MAP3K5: variants seen among roughly 807,000 people sequenced by gnomAD.
The protein encoded by MAP3K5 is ASK-1.
A neutral mutation model predicts 158.7 loss-of-function variants in MAP3K5; 56 were observed. The ratio of observed to expected loss-of-function variants is 0.35; its 90% confidence interval spans 0.28 to 0.44. MAP3K5 has a LOEUF of 0.44. Among genes scored for constraint, MAP3K5 ranks in the 20% least tolerant of loss-of-function variants. MAP3K5 has a pLI of 1.00. For synonymous variants in MAP3K5, 579 were observed against 601.7 expected (o/e 0.96, Z 0.55); for missense variants, 1,294 against 1,674.8 (o/e 0.77, Z 3.97).
chr6:136,632,842 T>C (rs1384242019), intron 14 of MAP3K5, among the ~76,000 whole-genome samples: 1 of 152,146 alleles, frequency 6.6e-6, no homozygotes, highest in African/African-American at 2.4e-5. Context: ...GATCAATTGT[T>C]TGATGATTTC....
chr6:136,660,551 T>G (rs1037517039), intron 8 of MAP3K5, among the ~76,000 whole-genome samples: 1 of 152,220 alleles, frequency 6.6e-6, no homozygotes, highest in African/African-American at 2.4e-5. Flanking sequence ...CACTTCTATG[T>G]TCTTAATGTT....
At chr6:136,586,351 A>G (rs1775141325) in intron 23 of MAP3K5, among the ~76,000 whole-genome samples, 1 of 152,216 alleles carries the variant, frequency 6.6e-6, no homozygotes, top group African/African-American at 2.4e-5. Flanking sequence ...TTTTTTCGAC[A>G]TTAACTTTGT....
Position 136,651,030 on chromosome 6 carries a change from A to G in MAP3K5, c.1742T>C (p.Val581Ala), listed in dbSNP as rs766734935. The change falls in exon 11 of 30, where the codon GTT becomes GCT. Residue 581 changes from valine to alanine, a missense_variant. Val to Ala is a moderately conservative substitution (Grantham distance 64, BLOSUM62 0). This residue lies in a region of MAP3K5 where 690 missense variants were observed against 870.5 expected (regional missense o/e 0.79). Transcript: ENST00000359015. ...CCAAATAGAGATTGTCTTTTCCTCA[A>G]CTTCATTGTTGATAGACAAATAAGA... ...QPSYLSINNE[V>A]EEKTISIWHV... 6.8e-6 allele frequency: 11 copies of G among 1,611,988 alleles called. No homozygotes were observed. Among genetic ancestry groups the G allele is most frequent in the Non-Finnish European group, 9.3e-6 (11 of 1,178,816 alleles).
At chr6:136,734,409 G>C (rs1467131245) in intron 1 of MAP3K5, among the ~76,000 whole-genome samples, 5 of 108,278 alleles carry the variant, frequency 4.6e-5, no homozygotes, top group African/African-American at 3.7e-5. Context: ...AACAAAGCGA[G>C]ACTCTGTCTC....
chr6:136,612,134 C>T (rs1482000462), intron 17 of MAP3K5, among the ~76,000 whole-genome samples: 5 of 152,156 alleles, frequency 3.3e-5, no homozygotes, highest in African/African-American at 1.2e-4. Context: ...GCTCACCAAA[C>T]TATCTTTGAA....
chr6:136,675,132 C>T (rs1457883045), intron 7 of MAP3K5, among the ~76,000 whole-genome samples: 3 of 151,514 alleles, frequency 2.0e-5, no homozygotes, highest in Non-Finnish European at 4.4e-5. Context: ...GAGGTAAATT[C>T]AATAGGAAAA....
intron 8 of MAP3K5, among the ~76,000 whole-genome samples, chr6:136,665,704 A>G (rs987592621): frequency 6.6e-6 from 1 of 152,188 alleles, no homozygotes; most frequent in East Asian, 1.9e-4. Flanking sequence ...AGAGGAAGGA[A>G]AAGTACTTAC....
intron 1 of MAP3K5, among the ~76,000 whole-genome samples, chr6:136,749,405 C>T (rs1050206700): frequency 1.6e-4 from 24 of 151,696 alleles, no homozygotes; most frequent in African/African-American, 5.3e-4. Context: ...TATGAGGGCT[C>T]CATTAGGGTG....
chr6:136,770,913 A>T (rs1784173188), intron 1 of MAP3K5, among the ~76,000 whole-genome samples: 1 of 152,246 alleles, frequency 6.6e-6, no homozygotes, highest in African/African-American at 2.4e-5. Flanking sequence ...AATATAATAA[A>T]TTTTTAAAAA....
intron 2 of MAP3K5, among the ~76,000 whole-genome samples, chr6:136,715,055 C>A (rs377085144): frequency 1.2e-4 from 18 of 152,254 alleles, no homozygotes; most frequent in African/African-American, 4.3e-4. Context: ...GATAAAAATA[C>A]AACTAAATTT....
At position 136,614,283 on chromosome 6, in the gene MAP3K5, G is replaced by A; in HGVS notation, c.2154C>T (p.Tyr718=). The A allele has an allele frequency of 2.5e-6, 4 of 1,612,068 alleles. No homozygotes were observed. Among genetic ancestry groups the A allele is most frequent in the Non-Finnish European group, 3.4e-6 (4 of 1,179,076 alleles). ...CTATTTCTTCATGCAGGGGCTGAGAGTATCTAAAAGACATGCAATTGTCAA... is the reference window on the plus strand; with the variant it reads ...CTATTTCTTCATGCAGGGGCTGAGAATATCTAAAAGACATGCAATTGTCAA... ...IKEIPERDSR[Y]SQPLHEEIAL... Residue 718 remains tyrosine (Y), a synonymous_variant, in exon 16 of 30, where the codon TAC becomes TAT. Transcript: ENST00000359015.
intron 1 of MAP3K5, among the ~76,000 whole-genome samples, chr6:136,762,836 T>C (rs527977732): frequency 1.8e-4 from 28 of 152,306 alleles, no homozygotes; most frequent in African/African-American, 6.5e-4. Context: ...TCTAGCACCA[T>C]TGCTACCCTT....
intron 2 of MAP3K5, among the ~76,000 whole-genome samples, chr6:136,707,080 T>C (rs1046863640): frequency 2.6e-5 from 4 of 152,026 alleles, no homozygotes; most frequent in Non-Finnish European, 4.4e-5. Context: ...ACTTGAGCCT[T>C]GAAGATCGAG....
chr6:136,726,551 T>C (rs1003722901), intron 1 of MAP3K5, among the ~76,000 whole-genome samples: 2 of 151,932 alleles, frequency 1.3e-5, no homozygotes, highest in African/African-American at 2.4e-5. Flanking sequence ...CAAGATCACA[T>C]GACTGCACTC....
chr6:136,655,894 GGGGAT>G (rs1778723374), intron 10 of MAP3K5, among the ~76,000 whole-genome samples: 1 of 152,144 alleles, frequency 6.6e-6, no homozygotes, highest in Non-Finnish European at 1.5e-5. Flanking sequence ...AATGGGTGGT[GGGGAT>G]GGGATAACAA....
At chr6:136,782,350 G>C (rs1420755750) in intron 1 of MAP3K5, among the ~76,000 whole-genome samples, 2 of 151,636 alleles carry the variant, frequency 1.3e-5, no homozygotes, top group Non-Finnish European at 2.9e-5. Context: ...TTAAAGGAGA[G>C]AGAATTCTCT....
intron 1 of MAP3K5, among the ~76,000 whole-genome samples, chr6:136,772,101 G>GC (rs375199560): frequency 7.0e-6 from 1 of 143,178 alleles, no homozygotes; most frequent in Non-Finnish European, 1.5e-5. Context: ...GTAGAAATGG[G>GC]GGGGGGGGGT....
At chr6:136,691,643 T>C in intron 7 of MAP3K5, among the ~76,000 whole-genome samples, 1 of 152,024 alleles carries the variant, frequency 6.6e-6, no homozygotes, top group Non-Finnish European at 1.5e-5. Context: ...GACCACTAAA[T>C]GCCACAGGTC....
At chr6:136,687,965 C>A (rs1780222968) in intron 7 of MAP3K5, among the ~76,000 whole-genome samples, 1 of 152,136 alleles carries the variant, frequency 6.6e-6, no homozygotes, top group Non-Finnish European at 1.5e-5. Context: ...AAGACCCATG[C>A]ACACACATGT....
Sources: allele counts gnomAD v4.1 joint callset (sites outside exome capture counted in the v4.1 genomes callset), GRCh38; gene constraint gnomAD v4.1.1; regional missense constraint gnomAD v4.1.1; transcripts MANE v1.5; gene names NCBI Gene and HGNC (gene_info 2026-07-23, HGNC 2026-07-21).